Variants in POLE observed in about 807,000 individuals in gnomAD.
POLE encodes the protein DNA polymerase epsilon, catalytic subunit.
POLE carries 188 observed loss-of-function variants against 279.2 expected under a neutral mutation model. The observed-to-expected ratio is 0.67, with a 90% CI of 0.60 to 0.76. The LOEUF is 0.76. Ranked by LOEUF, POLE falls within the 30% of genes least tolerant of loss-of-function variation. The pLI is 0.00. For missense variants in POLE, 2,703 were observed against 3,016.7 expected (o/e 0.90, Z 2.44); for synonymous variants, 1,214 against 1,172.5 (o/e 1.04, Z -0.72).
rs2138543250 is a variant in POLE at position 132,642,984 on chromosome 12, G to A, written c.4564C>T (p.Gln1522Ter). 1.3e-6 allele frequency: 2 copies of A among 1,593,444 alleles called. No individual in the cohort carries two copies. Among genetic ancestry groups the A allele is most frequent in the Non-Finnish European group, 1.7e-6 (2 of 1,173,542 alleles). The change falls in exon 36 of 49, where the codon CAG becomes TAG. Residue 1522 changes from glutamine (Q) to a stop codon, truncating the protein, a stop_gained. Coordinates refer to ENST00000320574, the MANE Select transcript of POLE (RefSeq NM_006231.4). LOFTEE classifies it high-confidence loss of function. ...VFVLDTVRSN[Q>*]MPSLGALYSA... ...TACAGGGCGCCAAGGCTGGGCATCT[G>A]GTTGCTGCGCACCTAGACCAACGCA...
At chr12:132,646,444 C>T (rs2042285406) in intron 32 of POLE, among the ~76,000 whole-genome samples, 1 of 151,816 alleles carries the variant, frequency 6.6e-6, no homozygotes, top group African/African-American at 2.4e-5. Flanking sequence ...CAATGGATTC[C>T]TGGAAACTGT....
chr12:132,668,231 G>T lies in POLE; in HGVS notation c.2173+125C>A. 1 of 1,108,712 alleles carries T rather than the reference G, an allele frequency of 9.0e-7. No homozygotes were observed. Among genetic ancestry groups the T allele is most frequent in the Non-Finnish European group, 1.3e-6 (1 of 795,488 alleles). The allele number at this position is 1,108,712 out of a possible 1,614,324, so 68.7% of individuals were successfully genotyped here. A position where few individuals can be genotyped will look rare whatever the true frequency, so the allele number is the denominator to read the frequency against. The stretch of plus-strand genomic sequence containing the variant: ...GCACAGCTTACAGTGACCTAGAGCA[G>T]CTTCTGGTCTGCTGTGACAACACCT... On this transcript the variant is annotated intron_variant, in intron 19 of 48. Transcript: ENST00000320574. The surrounding 1 kb of genome is among the most constrained non-coding windows in gnomAD (Gnocchi z 4.0).
rs2042108254 is a variant in POLE, at chr12:132,639,953, AAAACAAAACAAAAC to A, written c.5379-669_5379-656del. Among the ~76,000 whole-genome samples the A allele has an allele frequency of 5.8e-5, 1 of 17,156 alleles. No individual in the cohort carries two copies. The highest frequency in any genetic ancestry group is 1.0e-4 in the Non-Finnish European group (1 of 9,850). The allele number at this position is 17,156 out of a possible 152,430, so 11.3% of individuals were successfully genotyped here. ...CAGAGTGAGACTGTCTCAAAAAACA[AAAACAAAACAAAAC>A]AAAACAAAACAAAACAAAACAAAAC... On this transcript the variant is annotated intron_variant, in intron 39 of 48. Coordinates refer to ENST00000320574, the MANE Select transcript of POLE (RefSeq NM_006231.4). This position sits in a 1 kb window ranked among gnomAD's most constrained non-coding sequence, Gnocchi z 4.7.
chr12:132,646,040 G>C (rs765726408), intron 32 of POLE, among the ~76,000 whole-genome samples: 1 of 152,168 alleles, frequency 6.6e-6, no homozygotes, highest in African/African-American at 2.4e-5. Flanking sequence ...AGGTGAGCCT[G>C]GCCTCTCTTA....
At chr12:132,648,792 CACA>C (rs2042345304) in intron 32 of POLE, 134 bp downstream of exon 32, 2 of 946,510 alleles carry the variant, frequency 2.1e-6, no homozygotes, top group Non-Finnish European at 3.2e-6. Context: ...TCAGCGCTCA[CACA>C]CGTTGTTTTG....
At position 132,668,987 on chromosome 12, in the gene POLE, C is replaced by G; in HGVS notation, c.1795-48G>C. ...TAGAGGCTGGTGACCAAGCTTGCCT[C>G]GTGTGCAGTTCACCAACCCCTTTTA... On this transcript the variant is annotated intron_variant, in intron 16 of 48. Coordinates refer to ENST00000320574, the MANE Select transcript of POLE (RefSeq NM_006231.4). The surrounding 1 kb of genome is among the most constrained non-coding windows in gnomAD (Gnocchi z 4.0). 6.3e-7 allele frequency: 1 copy of G among 1,586,304 alleles called. No individual in the cohort carries two copies. The highest frequency in any genetic ancestry group is 2.3e-5 in the East Asian group (1 of 44,298).
intron 6 of POLE, 116 bp from the exon 7 acceptor site, chr12:132,677,835 A>C (rs2043091164): frequency 2.0e-6 from 2 of 998,324 alleles, no homozygotes; most frequent in Non-Finnish European, 3.0e-6. Context: ...GAAACACAAA[A>C]GGTAAATTGA....
In POLE at chr12:132,648,942, G is replaced by A. The variant is rs2042349830; in HGVS notation, c.4136C>T (p.Ala1379Val). Residue 1379 changes from alanine to valine, a missense_variant, in exon 32 of 49, where the codon GCT becomes GTT. Ala to Val is a moderately conservative substitution (Grantham distance 64). Coordinates refer to ENST00000320574, the MANE Select transcript of POLE (RefSeq NM_006231.4). ...GCTCCTCCCTACCTTGCGATACGAA[G>A]CACCCTCCTCCGCTTTAGCGACTCG... ...NQRVAKAEEG[A>V]SYRKVNRVLP... 6.2e-7 allele frequency: 1 copy of A among 1,612,926 alleles called. No homozygotes were observed. The highest frequency in any genetic ancestry group is 2.2e-5 in the East Asian group (1 of 44,852).
At position 132,677,724 on chromosome 12, in the gene POLE, G is replaced by T. The variant is rs1417046088; in HGVS notation, c.579-5C>A. Reference sequence around the variant, plus strand: ...ACACCGCCCCTCTGCAGAACACTAGGAATTAACAAGAGAGCAACTAACTCA... The same window carrying T: ...ACACCGCCCCTCTGCAGAACACTAGTAATTAACAAGAGAGCAACTAACTCA... On this transcript the variant is annotated splice_polypyrimidine_tract_variant and splice_region_variant and intron_variant, in intron 6 of 48. Transcript: ENST00000320574. 9 of 1,613,290 alleles carry T rather than the reference G, an allele frequency of 5.6e-6. No individual in the cohort carries two copies. Among genetic ancestry groups the T allele is most frequent in the Non-Finnish European group, 7.6e-6 (9 of 1,179,590 alleles).
At chr12:132,631,157 G>C (rs533459472) in intron 45 of POLE, among the ~76,000 whole-genome samples, 18 of 152,290 alleles carry the variant, frequency 1.2e-4, no homozygotes, top group Middle Eastern at 3.4e-3. Context: ...GCGCGTGGAT[G>C]AACCAATTCC....
intron 26 of POLE, 151 bp downstream of exon 26, chr12:132,659,143 CA>C: frequency 1.3e-6 from 1 of 760,880 alleles, no homozygotes; most frequent in Non-Finnish European, 2.1e-6. Context: ...AAACACAGCC[CA>C]AATCTGTAAG....
rs2042667051 is a variant in POLE, at chr12:132,661,027, T to G, written c.3002A>C (p.Glu1001Ala). The G allele has an allele frequency of 2.5e-6, 4 of 1,614,038 alleles. No individual in the cohort carries two copies. Among genetic ancestry groups the G allele is most frequent in the Non-Finnish European group, 3.4e-6 (4 of 1,180,006 alleles). The change falls in exon 25 of 49, where the codon GAG becomes GCG. Residue 1001 changes from glutamate (E) to alanine (A), a missense_variant. By Grantham distance (107) the Glu-to-Ala change is moderately radical. Around this residue, in one of 5 missense-constraint regions of POLE, gnomAD observed 19 missense variants for 51.5 expected, o/e 0.37. Coordinates refer to ENST00000320574, the MANE Select transcript of POLE (RefSeq NM_006231.4). The surrounding 1 kb of genome is among the most constrained non-coding windows in gnomAD (Gnocchi z 4.1). ...EAFLKGSTLE[E>A]VYGSVAKVAD... Reference sequence around the variant, plus strand: ...CACCTTGGCTACAGAGCCATACACCTCTTCCAGCGTGCTGCCCTTGAGGAA... The same window carrying G: ...CACCTTGGCTACAGAGCCATACACCGCTTCCAGCGTGCTGCCCTTGAGGAA...
chr12:132,632,219 G>T, intron 45 of POLE, 96 bp downstream of exon 45: 1 of 923,294 alleles, frequency 1.1e-6, no homozygotes, highest in Non-Finnish European at 1.7e-6. Flanking sequence ...CACGTTCATG[G>T]TGCACGCATT....
rs2136000426 is a variant in POLE at position 132,673,675 on chromosome 12, C to T, written c.1259G>A (p.Gly420Asp). The T allele has an allele frequency of 6.2e-7, 1 of 1,613,924 alleles. No individual in the cohort carries two copies. Among genetic ancestry groups the T allele is most frequent in the Non-Finnish European group, 8.5e-7 (1 of 1,179,944 alleles). The change falls in exon 13 of 49, where the codon GGC (glycine) becomes GAC (aspartate). Residue 420 changes from glycine (G) to aspartate (D), a missense_variant. Physicochemically the swap from Gly to Asp is moderately conservative, Grantham distance 94 (BLOSUM62 -1). Transcript: ENST00000320574. ...GGCGGCCGCCTTGAGATTATGACTGCCCACAGGAAGGTAACTGTCCCTCTT... is the reference window on the plus strand; with the variant it reads ...GGCGGCCGCCTTGAGATTATGACTGTCCACAGGAAGGTAACTGTCCCTCTT... ...WVKRDSYLPV[G>D]SHNLKAAAKA...
At chr12:132,660,175 C>T (rs537268404) in intron 25 of POLE, 11 of 156,184 alleles carry the variant, frequency 7.0e-5, no homozygotes, top group African/African-American at 2.6e-4. Context: ...GGAGAGTGGC[C>T]TGAGCAGTGG....
rs1479743205 is a variant in POLE, at chr12:132,664,441, C to T, written c.2490G>A (p.Glu830=). ...CTGTGAAGCAGACGATGCCAGCCATCTCCATGGAGTACCAGCGAGCCCTGA... is the reference window on the plus strand; with the variant it reads ...CTGTGAAGCAGACGATGCCAGCCATTTCCATGGAGTACCAGCGAGCCCTGA... ...MRKGARWYSM[E]MAGIVCFTGA... is the part of the protein sequence containing the mutation. The change falls in exon 22 of 49, where the codon GAG becomes GAA. Residue 830 remains glutamate (E), a synonymous_variant. Transcript: ENST00000320574. This position sits in a 1 kb window ranked among gnomAD's most constrained non-coding sequence, Gnocchi z 5.3. 6.2e-7 allele frequency: 1 copy of T among 1,614,062 alleles called. No homozygotes were observed. Among genetic ancestry groups the T allele is most frequent in the South Asian group, 1.1e-5 (1 of 91,088 alleles).
intron 45 of POLE, among the ~76,000 whole-genome samples, chr12:132,627,781 C>CT (rs1384683515): frequency 6.6e-6 from 1 of 152,200 alleles, no homozygotes; most frequent in Non-Finnish European, 1.5e-5. Flanking sequence ...TAAACGGCTG[C>CT]TGACTGATCA....
chr12:132,666,162 G>A (rs1486210640), intron 20 of POLE, among the ~76,000 whole-genome samples: 3 of 152,214 alleles, frequency 2.0e-5, no homozygotes, highest in Non-Finnish European at 2.9e-5. Context: ...CAGCCAAAAG[G>A]TGGAAGCAAC....
intron 20 of POLE, among the ~76,000 whole-genome samples, chr12:132,666,612 A>T (rs1039125140): frequency 1.3e-5 from 2 of 152,232 alleles, no homozygotes; most frequent in Admixed American, 1.3e-4. Flanking sequence ...TAAGTGAAAA[A>T]GCCGGTCACA....
Sources: allele counts gnomAD v4.1 joint callset (sites outside exome capture counted in the v4.1 genomes callset), GRCh38; gene constraint gnomAD v4.1.1; regional missense constraint gnomAD v4.1.1; non-coding constraint Gnocchi (gnomAD v3.1); transcripts MANE v1.5; gene names NCBI Gene and HGNC (gene_info 2026-07-23, HGNC 2026-07-21).